PARN: variants seen among roughly 807,000 people sequenced by gnomAD.
PARN encodes the protein poly(A)-specific ribonuclease PARN.
PARN carries 71 observed loss-of-function variants against 102.8 expected under a neutral mutation model. The observed-to-expected ratio is 0.69, with a 90% confidence interval of 0.57 to 0.84. The LOEUF is 0.84. Ranked by LOEUF, PARN falls within the 40% of genes least tolerant of loss-of-function variation. PARN has a pLI of 0.00. For synonymous variants in PARN, 261 were observed against 252.9 expected, an observed-to-expected ratio of 1.03 and a Z score of -0.30; for missense variants, 782 against 760.9, an observed-to-expected ratio of 1.03 and a Z score of -0.33.
intron 7 of PARN, 68 bp downstream of exon 7, chr16:14,610,576 G>C (rs1971465803): frequency 1.1e-6 from 1 of 922,662 alleles, no homozygotes; most frequent in Non-Finnish European, 1.8e-6. Flanking sequence ...ACAGGTTTGA[G>C]ATATAGATGC....
At chr16:14,592,991 C>A (rs1184452457) in intron 13 of PARN, among the ~76,000 whole-genome samples, 1 of 152,056 alleles carries the variant, frequency 6.6e-6, no homozygotes, top group African/African-American at 2.4e-5. Flanking sequence ...CAAAAAGTAG[C>A]TGGGCGTGGT....
chr16:14,529,821 G>A (rs945622382), intron 21 of PARN, among the ~76,000 whole-genome samples: 5 of 152,094 alleles, frequency 3.3e-5, no homozygotes, highest in Admixed American at 2.6e-4. Context: ...GGACTCCTTG[G>A]TAGACTGTGC....
At chr16:14,529,798 C>T (rs1966220983) in intron 21 of PARN, among the ~76,000 whole-genome samples, 1 of 152,112 alleles carries the variant, frequency 6.6e-6, no homozygotes, top group African/African-American at 2.4e-5. Context: ...CCTTCCTGTT[C>T]CCCTCAAGCA....
intron 21 of PARN, among the ~76,000 whole-genome samples, chr16:14,550,847 T>G (rs1230855044): frequency 6.6e-6 from 1 of 152,218 alleles, no homozygotes; most frequent in Non-Finnish European, 1.5e-5. Flanking sequence ...TCACCAATAT[T>G]TTATTCAAAA....
chr16:14,581,487 C>T (rs1490532680), intron 17 of PARN, among the ~76,000 whole-genome samples: 1 of 152,124 alleles, frequency 6.6e-6, no homozygotes, highest in African/African-American at 2.4e-5. Context: ...TGAGTGGATC[C>T]CAAGGAAATG....
At chr16:14,590,828 TA>T (rs1355652054) in intron 13 of PARN, among the ~76,000 whole-genome samples, 1 of 152,044 alleles carries the variant, frequency 6.6e-6, no homozygotes, top group Non-Finnish European at 1.5e-5. Context: ...TGTACTTTTT[TA>T]AAGGAGGGTA....
chr16:14,521,766 C>T lies in PARN; in HGVS notation c.1480+30255G>A, dbSNP rs534637502. ...GTGGTAAACCAAGATTGCGCCATTGCACTCCAGCCTGGGCAACAAGAGCCA... is the reference window on the plus strand; with the variant it reads ...GTGGTAAACCAAGATTGCGCCATTGTACTCCAGCCTGGGCAACAAGAGCCA... On this transcript the variant is annotated intron_variant, in intron 21 of 23. Coordinates refer to ENST00000437198, the MANE Select transcript of PARN (RefSeq NM_002582.4). Among the ~76,000 whole-genome samples the T allele has an allele frequency of 1.2e-4, 18 of 151,540 alleles. No homozygotes were observed. The South Asian group carries it at 2.9e-3, about 25-fold the overall frequency.
At chr16:14,517,764 T>C (rs1965528893) in intron 21 of PARN, among the ~76,000 whole-genome samples, 2 of 152,130 alleles carry the variant, frequency 1.3e-5, no homozygotes, top group Admixed American at 6.5e-5. Context: ...TTGCAACCTC[T>C]ACCTCCCAGG....
Position 14,598,138 on chromosome 16 carries a change from G to A in PARN, c.840+1766C>T, listed in dbSNP as rs575520891. ...CAGCAGGACAACAGAGCGAGACTCC[G>A]GCTCAAAAAATATATATATATATAT... On this transcript the variant is annotated intron_variant, in intron 12 of 23. Transcript: ENST00000437198. Among the ~76,000 whole-genome samples the A allele has an allele frequency of 2.2e-4, 34 of 151,170 alleles. 1 individual carries two copies. The highest frequency in any genetic ancestry group is 6.9e-3 in the Middle Eastern group (2 of 290).
chr16:14,521,175 T>A (rs764332775), intron 21 of PARN, among the ~76,000 whole-genome samples: 14 of 152,222 alleles, frequency 9.2e-5, no homozygotes, highest in Non-Finnish European at 1.6e-4. Context: ...ACCTAAACAT[T>A]CCCTTTTCTT....
At chr16:14,537,942 T>A (rs1271640636) in intron 21 of PARN, among the ~76,000 whole-genome samples, 1 of 152,088 alleles carries the variant, frequency 6.6e-6, no homozygotes, top group Non-Finnish European at 1.5e-5. Flanking sequence ...AGAGAGAAGT[T>A]TGAATGTTCA....
At chr16:14,459,579 A>G (rs932872489) in intron 22 of PARN, among the ~76,000 whole-genome samples, 1 of 152,242 alleles carries the variant, frequency 6.6e-6, no homozygotes, top group African/African-American at 2.4e-5. Context: ...TGTAGTTAAG[A>G]TGTTAATTCT....
intron 18 of PARN, among the ~76,000 whole-genome samples, chr16:14,566,862 A>C (rs867717295): frequency 1.3e-5 from 2 of 152,334 alleles, no homozygotes; most frequent in Middle Eastern, 3.4e-3. Context: ...GTGGCCTGTA[A>C]GGTTTCTTTA....
intron 21 of PARN, among the ~76,000 whole-genome samples, chr16:14,517,489 A>C (rs1249451732): frequency 6.6e-6 from 1 of 152,222 alleles, no homozygotes; most frequent in African/African-American, 2.4e-5. Flanking sequence ...CAACCTATGG[A>C]ATTATGGGAA....
chr16:14,538,544 T>C (rs889622063), intron 21 of PARN, among the ~76,000 whole-genome samples: 9 of 152,104 alleles, frequency 5.9e-5, no homozygotes, highest in Admixed American at 2.6e-4. Context: ...TTCAATGAGA[T>C]TGATGTACTT....
rs536061701 is a variant in PARN, at chr16:14,537,657, T to C, written c.1480+14364A>G. 3.3e-4 allele frequency among the ~76,000 whole-genome samples: 50 copies of C among 152,244 alleles called. 1 individual carries two copies. The South Asian group carries it at 6.6e-3, about 20-fold the overall frequency. Reference sequence around the variant, plus strand: ...CAACACAGATGAGCCTAGAAGACATTAGCTTAAGCAAAATACGGCAGGCAT... The same window carrying C: ...CAACACAGATGAGCCTAGAAGACATCAGCTTAAGCAAAATACGGCAGGCAT... On this transcript the variant is annotated intron_variant, in intron 21 of 23. Transcript: ENST00000437198.
At chr16:14,624,466 T>G (rs772010056) in intron 5 of PARN, among the ~76,000 whole-genome samples, 7 of 152,236 alleles carry the variant, frequency 4.6e-5, no homozygotes, top group Non-Finnish European at 1.0e-4. Flanking sequence ...CTGGGCTATC[T>G]TCAAGTCTAT....
intron 19 of PARN, among the ~76,000 whole-genome samples, chr16:14,555,229 G>A (rs573273240): frequency 6.6e-6 from 1 of 152,108 alleles, no homozygotes; most frequent in East Asian, 1.9e-4. Context: ...GACCTTCCAC[G>A]TTTTTTAAAT....
rs201899945 is a variant in PARN, at chr16:14,582,175, G to C, written c.1192+6C>G. ...CGTGTTTGACTGAAAGACATGTAATGCGTACCTAGGTAATTGGCCATGGAG... is the reference window on the plus strand; with the variant it reads ...CGTGTTTGACTGAAAGACATGTAATCCGTACCTAGGTAATTGGCCATGGAG... On this transcript the variant is annotated splice_donor_region_variant and intron_variant, in intron 17 of 23. Coordinates refer to ENST00000437198, the MANE Select transcript of PARN (RefSeq NM_002582.4). The C allele has an allele frequency of 6.4e-7, 1 of 1,551,082 alleles. No homozygotes were observed. The highest frequency in any genetic ancestry group is 1.1e-5 in the South Asian group (1 of 89,920).
Sources: allele counts gnomAD v4.1 joint callset (sites outside exome capture counted in the v4.1 genomes callset), GRCh38; gene constraint gnomAD v4.1.1; transcripts MANE v1.5; gene names NCBI Gene and HGNC (gene_info 2026-07-23, HGNC 2026-07-21).